Variants in PTPRD observed in about 807,000 individuals in gnomAD.
PTPRD encodes protein tyrosine phosphatase receptor type D.
In PTPRD, 34 loss-of-function variants were observed where a neutral mutation model predicts 214.5. That is an observed-to-expected ratio of 0.16 (90% CI 0.12 to 0.21). PTPRD has a LOEUF of 0.21. Ranked by LOEUF, PTPRD falls within the 10% of genes least tolerant of loss-of-function variation. PTPRD has a pLI of 1.00. For synonymous variants in PTPRD, 1,128 were observed against 845.7 expected (o/e 1.33, Z -5.79); for missense variants, 2,545 against 2,398.7 (o/e 1.06, Z -1.27).
In PTPRD at chr9:9,960,544, T is replaced by TATGATAGC. The variant is rs2094290528; in HGVS notation, c.-471-21942_-471-21935dup. On this transcript the variant is annotated intron_variant, in intron 4 of 45. Coordinates refer to ENST00000381196, the MANE Select transcript of PTPRD (RefSeq NM_002839.4). ...GCGAGGTGATCAAGGCCAGTATCAATATGATAGCATGATAGCATGTACTTT... is the reference window on the plus strand; with the variant it reads ...GCGAGGTGATCAAGGCCAGTATCAATATGATAGCATGATAGCATGATAGCATGTACTTT... 2.0e-5 allele frequency among the ~76,000 whole-genome samples: 3 copies of TATGATAGC among 152,074 alleles called. No homozygotes were observed. In the South Asian group the frequency reaches 6.2e-4, roughly 31 times the overall value.
chr9:9,641,817 C>T (rs1324509339), intron 7 of PTPRD, among the ~76,000 whole-genome samples: 1 of 152,054 alleles, frequency 6.6e-6, no homozygotes, highest in Non-Finnish European at 1.5e-5. Flanking sequence ...CGTGATTTAG[C>T]AGGAGACAAG....
intron 7 of PTPRD, among the ~76,000 whole-genome samples, chr9:9,645,674 T>G (rs1268053548): frequency 1.3e-5 from 2 of 151,988 alleles, no homozygotes; most frequent in South Asian, 2.1e-4. Context: ...TTCCTCTGAT[T>G]GATATTTTCT....
At chr9:10,079,316 C>T (rs2098191352) in intron 3 of PTPRD, among the ~76,000 whole-genome samples, 1 of 152,104 alleles carries the variant, frequency 6.6e-6, no homozygotes, top group Admixed American at 6.6e-5. Context: ...GGCAAATTCA[C>T]TGTTGGCCAC....
At position 8,484,203 on chromosome 9, in the gene PTPRD, G is replaced by C. The variant is rs775510240; in HGVS notation, c.3329C>G (p.Thr1110Ser). Reference sequence around the variant, plus strand: ...GGTCTTCCCAATGAAGGCAGGCTTGGTACGTAATACATCTGGTGCAGTCTT... The same window carrying C: ...GGTCTTCCCAATGAAGGCAGGCTTGCTACGTAATACATCTGGTGCAGTCTT... ...TAKTAPDVLR[T>S]KPAFIGKTNL... The change falls in exon 30 of 46, where the codon ACC becomes AGC. Residue 1110 changes from threonine (T) to serine (S), a missense_variant. Physicochemically the swap from Thr to Ser is moderately conservative, Grantham distance 58. Coordinates refer to ENST00000381196, the MANE Select transcript of PTPRD (RefSeq NM_002839.4). 1 of 1,614,172 alleles carries C rather than the reference G, an allele frequency of 6.2e-7. No homozygotes were observed. The highest frequency in any genetic ancestry group is 1.1e-5 in the South Asian group (1 of 91,088).
At chr9:9,282,036 T>C (rs1947886779) in intron 9 of PTPRD, among the ~76,000 whole-genome samples, 1 of 151,322 alleles carries the variant, frequency 6.6e-6, no homozygotes, top group South Asian at 2.1e-4. Context: ...ATTCCACCTA[T>C]ATAAATTTCT....
At chr9:8,616,158 C>T (rs961104129) in intron 14 of PTPRD, among the ~76,000 whole-genome samples, 2 of 152,100 alleles carry the variant, frequency 1.3e-5, no homozygotes, top group Non-Finnish European at 2.9e-5. Flanking sequence ...ACCTCATATC[C>T]TGACTTTCTA....
chr9:9,845,050 ATATAGAG>A (rs773455882), intron 5 of PTPRD, among the ~76,000 whole-genome samples: 11,136 of 75,376 alleles, frequency 0.15, 2,078 homozygotes, highest in East Asian at 0.65. Flanking sequence ...ATATAGCTAT[ATATAGAG>A]CAATATATAT....
intron 5 of PTPRD, among the ~76,000 whole-genome samples, chr9:9,840,611 G>C (rs899934486): frequency 3.3e-5 from 5 of 151,330 alleles, no homozygotes; most frequent in African/African-American, 9.7e-5. Context: ...AATGGGAAGG[G>C]AATTAGCTGG....
chr9:9,088,963 G>C (rs1038114453), intron 10 of PTPRD, among the ~76,000 whole-genome samples: 7 of 152,254 alleles, frequency 4.6e-5, no homozygotes, highest in African/African-American at 1.7e-4. Flanking sequence ...CCAGAACAAT[G>C]ATAAGCACTC....
At chr9:10,260,364 C>A (rs1019081371) in intron 3 of PTPRD, among the ~76,000 whole-genome samples, 1 of 152,162 alleles carries the variant, frequency 6.6e-6, no homozygotes, top group African/African-American at 2.4e-5. Flanking sequence ...ATCAGTAACT[C>A]ACACTCAAGT....
intron 8 of PTPRD, among the ~76,000 whole-genome samples, chr9:9,419,150 C>CACACAT (rs2077908244): frequency 2.0e-5 from 3 of 150,850 alleles, no homozygotes; most frequent in African/African-American, 7.3e-5. Context: ...CACACACACA[C>CACACAT]ACACACACAC....
intron 4 of PTPRD, among the ~76,000 whole-genome samples, chr9:9,943,339 T>A (rs191032090): frequency 6.6e-6 from 1 of 152,214 alleles, no homozygotes; most frequent in East Asian, 1.9e-4. Context: ...GTAGTCAGAT[T>A]AAAAGGGCTA....
chr9:10,476,751 A>G (rs1187626359), intron 2 of PTPRD, among the ~76,000 whole-genome samples: 1 of 152,202 alleles, frequency 6.6e-6, no homozygotes, highest in Non-Finnish European at 1.5e-5. Context: ...TTACAAGGCA[A>G]CAGTAACCAA....
intron 8 of PTPRD, among the ~76,000 whole-genome samples, chr9:9,555,935 T>C (rs1192570921): frequency 6.6e-6 from 1 of 152,104 alleles, no homozygotes; most frequent in Non-Finnish European, 1.5e-5. Flanking sequence ...AACCTTTGCT[T>C]CCTTTTAAAT....
chr9:9,856,889 A>G (rs1255776655), intron 5 of PTPRD, among the ~76,000 whole-genome samples: 5 of 152,228 alleles, frequency 3.3e-5, no homozygotes, highest in Non-Finnish European at 2.9e-5. Flanking sequence ...AATGTAAAAT[A>G]GAAATTTAGA....
At chr9:10,312,185 TTTATG>T (rs1320803149) in intron 3 of PTPRD, among the ~76,000 whole-genome samples, 1 of 152,016 alleles carries the variant, frequency 6.6e-6, no homozygotes, top group Non-Finnish European at 1.5e-5. Flanking sequence ...ATTATGAGAT[TTTATG>T]TTATAACTGA....
chr9:8,456,468 G>A (rs896724879), intron 33 of PTPRD, among the ~76,000 whole-genome samples: 5 of 152,058 alleles, frequency 3.3e-5, no homozygotes, highest in African/African-American at 1.2e-4. Flanking sequence ...GACAGGAAAG[G>A]CATTCCTAAC....
intron 10 of PTPRD, among the ~76,000 whole-genome samples, chr9:9,034,965 G>C (rs2099616885): frequency 1.3e-5 from 2 of 152,130 alleles, no homozygotes. Flanking sequence ...GAGTTATTCA[G>C]AATTCTCATC....
intron 5 of PTPRD, among the ~76,000 whole-genome samples, chr9:9,937,228 T>TA (rs201828087): frequency 4.7e-5 from 7 of 149,882 alleles, no homozygotes; most frequent in South Asian, 2.1e-4. Context: ...AGTAAAATAA[T>TA]AAAAAAAAAT....
Sources: gnomAD v4.1 joint callset for allele counts (sites outside exome capture counted in the v4.1 genomes callset) on GRCh38, gnomAD v4.1.1 for gene constraint, MANE v1.5 for transcripts, NCBI Gene and HGNC (gene_info 2026-07-23, HGNC 2026-07-21) for gene names.